CLUH: variants seen among roughly 807,000 people sequenced by gnomAD.
The protein encoded by CLUH is CLUH binding protein of NUMT mRNA.
In CLUH, 77 loss-of-function variants were observed where a neutral mutation model predicts 139.3. The ratio of observed to expected loss-of-function variants is 0.55; its 90% CI spans 0.46 to 0.67. The LOEUF is 0.67. Among genes scored for constraint, CLUH ranks in the 30% least tolerant of loss-of-function variants. The pLI is 0.00. For missense variants in CLUH, 1,876 were observed against 1,875.8 expected, an observed-to-expected ratio of 1.00 and a Z score of 0.00; for synonymous variants, 999 against 801.6, an observed-to-expected ratio of 1.25 and a Z score of -4.16.
rs1347259627 is a variant in CLUH at position 2,711,629 on chromosome 17, G to C, written c.33C>G (p.Ala11=). The C allele has an allele frequency of 1.0e-6, 1 of 984,100 alleles. No individual in the cohort carries two copies. Among genetic ancestry groups the C allele is most frequent in the Non-Finnish European group, 1.2e-6 (1 of 829,578 alleles). 61.0% of individuals were successfully genotyped at this position (984,100 alleles called of 1,614,324 possible). The change falls in exon 1 of 26, where the codon GCC becomes GCG. Residue 11 remains alanine (A), a synonymous_variant. Transcript: ENST00000651024. ...GTTCCCGGGCGCTGTCGGCCGGGGCGGCCGCCGGCAACTCGTCCGTCTTGA... is the reference window on the plus strand; with the variant it reads ...GTTCCCGGGCGCTGTCGGCCGGGGCCGCCGCCGGCAACTCGTCCGTCTTGA... The part of the protein sequence containing the change: MVIKTDELPA[A]APADSAREHG...
intron 25 of CLUH, among the ~76,000 whole-genome samples, chr17:2,691,203 C>T (rs2069612840): frequency 6.6e-6 from 1 of 152,242 alleles, no homozygotes; most frequent in African/African-American, 2.4e-5. Context: ...GGGAAAACGC[C>T]AAGATACTTT....
At chr17:2,696,608 C>T (rs761980346) in intron 11 of CLUH, 70 bp from the exon 12 acceptor site, 56 of 1,530,726 alleles carry the variant, frequency 3.7e-5, no homozygotes, top group Admixed American at 9.6e-5. Context: ...CGCCAAGCCT[C>T]GCCCCCTAGC....
In CLUH at chr17:2,690,209, T is replaced by G. The variant is rs905406576; in HGVS notation, c.*385A>C. 1 of 210,714 alleles carries G rather than the reference T, an allele frequency of 4.7e-6. No individual in the cohort carries two copies. Among genetic ancestry groups the G allele is most frequent in the Non-Finnish European group, 9.4e-6 (1 of 106,664 alleles). 13.1% of individuals were successfully genotyped at this position (210,714 alleles called of 1,614,324 possible). A position where few individuals can be genotyped will look rare whatever the true frequency, so the allele number is the denominator to read the frequency against. Reference sequence around the variant, plus strand: ...GAAATCCCGTCTGCGCGTCACCCACTCAGGAGTCACCCACTCAGGACTGGC... The same window carrying G: ...GAAATCCCGTCTGCGCGTCACCCACGCAGGAGTCACCCACTCAGGACTGGC... On this transcript the variant is annotated 3_prime_UTR_variant, in exon 26 of 26. Coordinates refer to ENST00000651024, the MANE Select transcript of CLUH (RefSeq NM_001366661.1).
Position 2,690,558 on chromosome 17 carries a change from C to T in CLUH, c.*36G>A, listed in dbSNP as rs750981394. On this transcript the variant is annotated 3_prime_UTR_variant, in exon 26 of 26. Transcript: ENST00000651024. Reference sequence around the variant, plus strand: ...CTCCCGCAGTCGGGCTCCCTGGTGACGGGGCCGCTGGCTGGCTGTCCGTCT... The same window carrying T: ...CTCCCGCAGTCGGGCTCCCTGGTGATGGGGCCGCTGGCTGGCTGTCCGTCT... The T allele has an allele frequency of 4.2e-6, 6 of 1,415,336 alleles. No individual in the cohort carries two copies. Among genetic ancestry groups the T allele is most frequent in the Non-Finnish European group, 5.6e-6 (6 of 1,080,712 alleles). 87.7% of individuals were successfully genotyped at this position (1,415,336 alleles called of 1,614,324 possible).
chr17:2,701,430 C>G lies in CLUH; in HGVS notation c.835G>C (p.Val279Leu). The G allele has an allele frequency of 6.2e-7, 1 of 1,613,072 alleles. No homozygotes were observed. The highest frequency in any genetic ancestry group is 8.5e-7 in the Non-Finnish European group (1 of 1,179,600). The change falls in exon 6 of 26, where the codon GTG becomes CTG. Residue 279 changes from valine (V) to leucine (L), a missense_variant. By Grantham distance (32) the Val-to-Leu change is conservative. Transcript: ENST00000651024. ...ACTTGCCGGTCCTCGGCTGTGATCA[C>G]AAACAGGTACATGAGGTCCCCGTGC... Reference protein sequence around the residue: ...KMHGDLMYLFVITAEDRQVSI... With the variant: ...KMHGDLMYLFLITAEDRQVSI...
At chr17:2,695,166 C>T (rs2069887125) in intron 15 of CLUH, 52 bp downstream of exon 15, 32 of 1,613,540 alleles carry the variant, frequency 2.0e-5, no homozygotes, top group Non-Finnish European at 2.6e-5. Flanking sequence ...TTTCCCGACG[C>T]CCCACACCAC....
rs752552409 is a variant in CLUH at position 2,690,562 on chromosome 17, G to A, written c.*32C>T. The stretch of plus-strand genomic sequence containing the variant: ...CGCAGTCGGGCTCCCTGGTGACGGG[G>A]CCGCTGGCTGGCTGTCCGTCTGGCT... On this transcript the variant is annotated 3_prime_UTR_variant, in exon 26 of 26. Transcript: ENST00000651024. 38 of 1,420,920 alleles carry A rather than the reference G, an allele frequency of 2.7e-5. No homozygotes were observed. The highest frequency in any genetic ancestry group is 3.5e-5 in the Non-Finnish European group (38 of 1,083,674). The allele number at this position is 1,420,920 out of a possible 1,614,324, so 88.0% of individuals were successfully genotyped here.
Position 2,707,510 on chromosome 17 carries a change from C to T in CLUH, c.101-2946G>A. 2 of 985,430 alleles carry T rather than the reference C, an allele frequency of 2.0e-6. No homozygotes were observed. Among genetic ancestry groups the T allele is most frequent in the Non-Finnish European group, 2.4e-6 (2 of 829,910 alleles). 61.0% of individuals were successfully genotyped at this position (985,430 alleles called of 1,614,324 possible). ...AGCTGCTATCAGCACTCAGGCCCACCTCCCTATGCCCCCTAGAGAGGGGGT... is the reference window on the plus strand; with the variant it reads ...AGCTGCTATCAGCACTCAGGCCCACTTCCCTATGCCCCCTAGAGAGGGGGT... On this transcript the variant is annotated intron_variant, in intron 1 of 25. Transcript: ENST00000651024. This position sits in a 1 kb window ranked among gnomAD's most constrained non-coding sequence, Gnocchi z 7.4.
intron 10 of CLUH, 117 bp from the exon 11 acceptor site, chr17:2,697,059 C>T (rs568653932): frequency 1.3e-6 from 1 of 764,948 alleles, no homozygotes; most frequent in Non-Finnish European, 2.1e-6. Context: ...CACCTCCTGG[C>T]CGGTGTGCAT....
At chr17:2,696,400 A>G (rs1284413260) in intron 12 of CLUH, 34 bp downstream of exon 12, 1 of 1,546,938 alleles carries the variant, frequency 6.5e-7, no homozygotes, top group Non-Finnish European at 8.8e-7. Flanking sequence ...CTGGCCCTGG[A>G]GGGCTCCTGC....
At chr17:2,694,822 T>TGCCC in intron 16 of CLUH, 35 bp downstream of exon 16, 2 of 1,346,326 alleles carry the variant, frequency 1.5e-6, no homozygotes, top group Non-Finnish European at 2.0e-6. Context: ...ATCTGCCCAA[T>TGCCC]CCCACCCACC....
rs1380581805 is a variant in CLUH at position 2,692,632 on chromosome 17, C to T, written c.3377G>A (p.Arg1126His). ...CACCAGCAGCATGAGGTAGCGGGCG[C>T]GGTACAGCAGGCTCAGGGCGGTGGA... ...QLSTALSLLY[R>H]ARYLMLLVFG... is the part of the protein sequence containing the mutation. Residue 1126 changes from arginine to histidine, a missense_variant, in exon 21 of 26, where the codon CGC becomes CAC. By Grantham distance (29) the Arg-to-His change is conservative. Around this residue, in one of 3 missense-constraint regions of CLUH, gnomAD observed 1,454 missense variants for 1,384.4 expected, o/e 1.05. Transcript: ENST00000651024. 2 of 1,612,788 alleles carry T rather than the reference C, an allele frequency of 1.2e-6. No homozygotes were observed. The highest frequency in any genetic ancestry group is 1.7e-6 in the Non-Finnish European group (2 of 1,179,586).
chr17:2,705,800 T>G (rs2151721946), intron 1 of CLUH, among the ~76,000 whole-genome samples: 1 of 152,214 alleles, frequency 6.6e-6, no homozygotes, highest in Admixed American at 6.5e-5. Flanking sequence ...CAGCACCCAA[T>G]CCACATGCTC....
chr17:2,701,802 G>T, intron 4 of CLUH, 65 bp from the exon 5 acceptor site: 1 of 1,562,842 alleles, frequency 6.4e-7, no homozygotes, highest in Non-Finnish European at 8.6e-7. Context: ...CCTACCTCCT[G>T]ATGGCCGTGG....
Position 2,689,928 on chromosome 17 carries a change from G to T in CLUH, c.*666C>A, listed in dbSNP as rs572309306. On this transcript the variant is annotated 3_prime_UTR_variant, in exon 26 of 26. Coordinates refer to ENST00000651024, the MANE Select transcript of CLUH (RefSeq NM_001366661.1). Reference sequence around the variant, plus strand: ...GAGCCGAGTCAGAGCCACCCACTGGGCTCTGAGGGCCCAGCAAGCCAACCC... The same window carrying T: ...GAGCCGAGTCAGAGCCACCCACTGGTCTCTGAGGGCCCAGCAAGCCAACCC... 6.5e-6 allele frequency: 1 copy of T among 152,790 alleles called. No individual in the cohort carries two copies. Among genetic ancestry groups the T allele is most frequent in the East Asian group, 1.9e-4 (1 of 5,180 alleles). 9.5% of individuals were successfully genotyped at this position (152,790 alleles called of 1,614,324 possible). A position where few individuals can be genotyped will look rare whatever the true frequency, so the allele number is the denominator to read the frequency against.
chr17:2,692,337 G>C, intron 22 of CLUH, 24 bp downstream of exon 22: 1 of 1,532,000 alleles, frequency 6.5e-7, no homozygotes, highest in Middle Eastern at 2.1e-4. Context: ...GCCGGCCTTG[G>C]CGTTTGGACG....
At chr17:2,700,060 G>C (rs1417321717) in intron 9 of CLUH, among the ~76,000 whole-genome samples, 1 of 152,254 alleles carries the variant, frequency 6.6e-6, no homozygotes, top group Non-Finnish European at 1.5e-5. Flanking sequence ...GCCATGGCCG[G>C]CCAGTGCTCG....
intron 25 of CLUH, 88 bp from the exon 26 acceptor site, chr17:2,690,865 G>A (rs2069598090): frequency 9.2e-7 from 1 of 1,085,128 alleles, no homozygotes; most frequent in South Asian, 2.0e-5. Context: ...GATAAGCTCA[G>A]GCTCTGCGCT....
At chr17:2,710,023 A>G (rs77830765) in intron 1 of CLUH, among the ~76,000 whole-genome samples, 2 of 149,102 alleles carry the variant, frequency 1.3e-5, no homozygotes, top group Admixed American at 6.7e-5. Flanking sequence ...ATCCTCCAAC[A>G]GACGCTCGTC....
Sources: gnomAD v4.1 joint callset for allele counts (sites outside exome capture counted in the v4.1 genomes callset) on GRCh38, gnomAD v4.1.1 for gene constraint, gnomAD v4.1.1 regional missense constraint, Gnocchi (gnomAD v3.1) non-coding constraint, MANE v1.5 for transcripts, NCBI Gene and HGNC (gene_info 2026-07-23, HGNC 2026-07-21) for gene names.